The following MYOM2 variants were observed in gnomAD, a reference collection of about 807,000 sequenced individuals.
MYOM2 encodes the protein myomesin 2, also known as myomesin-2.
In MYOM2, 254 loss-of-function variants were observed where a neutral mutation model predicts 187.6. That is an observed-to-expected ratio of 1.35 (90% CI 1.22 to 1.50). The LOEUF (loss-of-function observed/expected upper bound fraction) is 1.50, where lower values mean the gene tolerates loss of function less well. MYOM2 is among the 40% of genes most tolerant of loss of function. The pLI is 0.00. For synonymous variants in MYOM2, 981 were observed against 753.8 expected, an observed-to-expected ratio of 1.30 and a Z score of -4.94; for missense variants, 2,796 against 1,924.0, an observed-to-expected ratio of 1.45 and a Z score of -8.48.
chr8:2,091,016 C>CTT (rs35873643), intron 15 of MYOM2, among the ~76,000 whole-genome samples: 2,732 of 86,468 alleles, frequency 0.032, 110 homozygotes, highest in Middle Eastern at 0.037. Flanking sequence ...AATGATAGTT[C>CTT]TTTTTTTTTT....
chr8:2,062,345 G>A lies in MYOM2; in HGVS notation c.653+3100G>A, dbSNP rs78622743. ...ACAGGCTGCAGGGCCTGGCAGGCCT[G>A]GTGGGAGCCCTTGCTAGAATCCGGG... On this transcript the variant is annotated intron_variant, in intron 6 of 36. Coordinates refer to ENST00000262113, the MANE Select transcript of MYOM2 (RefSeq NM_003970.4). 1.7e-3 allele frequency among the ~76,000 whole-genome samples: 261 copies of A among 152,316 alleles called. 3 individuals are homozygous for A. In the East Asian group the frequency reaches 0.029, roughly 17 times the overall value.
At chr8:2,053,808 G>A (rs1009703870) in intron 3 of MYOM2, among the ~76,000 whole-genome samples, 5 of 152,188 alleles carry the variant, frequency 3.3e-5, no homozygotes, top group Admixed American at 2.0e-4. Flanking sequence ...TGGAGCCCAC[G>A]GCTCATGCTC....
intron 14 of MYOM2, among the ~76,000 whole-genome samples, chr8:2,089,417 C>A (rs564787225): frequency 6.6e-6 from 1 of 152,266 alleles, no homozygotes; most frequent in East Asian, 1.9e-4. Context: ...CTTGTTGTAT[C>A]ATACAATTTG....
chr8:2,094,592 A>T (rs1796418420), intron 17 of MYOM2, among the ~76,000 whole-genome samples: 1 of 152,230 alleles, frequency 6.6e-6, no homozygotes, highest in South Asian at 2.1e-4. Flanking sequence ...CGGAGTTTGC[A>T]GTGAGCCAAG....
intron 32 of MYOM2, among the ~76,000 whole-genome samples, chr8:2,133,108 T>C (rs35454276): frequency 0.13 from 19,645 of 151,744 alleles, 2,175 homozygotes; most frequent in African/African-American, 0.28. Context: ...AAGCACAGGG[T>C]GTTTCCAGTT....
chr8:2,079,680 A>G, intron 13 of MYOM2, 67 bp downstream of exon 13: 1 of 1,509,288 alleles, frequency 6.6e-7, no homozygotes, highest in Non-Finnish European at 9.2e-7. Flanking sequence ...TAGAGATGGG[A>G]GAGATGGACA....
At chr8:2,124,340 C>A (rs1384893604) in intron 31 of MYOM2, 123 bp downstream of exon 31, 1 of 961,212 alleles carries the variant, frequency 1.0e-6, no homozygotes, top group Non-Finnish European at 1.6e-6. Flanking sequence ...TGTGGGAGGC[C>A]CTGGATGGAA....
At chr8:2,138,384 C>T (rs535946397) in intron 32 of MYOM2, among the ~76,000 whole-genome samples, 23 of 152,314 alleles carry the variant, frequency 1.5e-4, no homozygotes, top group African/African-American at 5.3e-4. Context: ...TGGGGCTCTG[C>T]TGCGGGGTCA....
In MYOM2 at chr8:2,144,922, C is replaced by T. The variant is rs376313294; in HGVS notation, c.4339C>T (p.Pro1447Ser). 1.1e-5 allele frequency: 18 copies of T among 1,614,068 alleles called. No individual in the cohort carries two copies. In the African/African-American group the frequency reaches 1.5e-4, roughly 13 times the overall value. Residue 1447 changes from proline (P) to serine (S), a missense_variant, in exon 37 of 37, where the codon CCG (proline) becomes TCG (serine). By Grantham distance (74) the Pro-to-Ser change is moderately conservative (BLOSUM62 -1). Transcript: ENST00000262113. ...KHGEKIPDMA[P>S]PQQAKPKLIP... ...CGGGGAGAAGATCCCGGACATGGCC[C>T]CGCCCCAGCAAGCCAAGCCCAAGCT...
In MYOM2 at chr8:2,102,706, G is replaced by A. The variant is rs1796748785; in HGVS notation, c.2659G>A (p.Val887Ile). Residue 887 changes from valine (V) to isoleucine (I), a missense_variant, in exon 21 of 37, where the codon GTC (valine) becomes ATC (isoleucine). Transcript: ENST00000262113. ...LQQGKTYVFR[V>I]RAVNANGVGK... ...GCAAGGTAAGACCTATGTCTTCAGG[G>A]TCCGGGCAGTCAATGCAAATGGCGT... The A allele has an allele frequency of 1.2e-6, 2 of 1,614,012 alleles. No homozygotes were observed. Among genetic ancestry groups the A allele is most frequent in the Admixed American group, 1.7e-5 (1 of 60,012 alleles).
chr8:2,052,646 C>T (rs1229916204), intron 3 of MYOM2, among the ~76,000 whole-genome samples: 1 of 152,248 alleles, frequency 6.6e-6, no homozygotes, highest in Non-Finnish European at 1.5e-5. Flanking sequence ...GGGTCCGTGG[C>T]TTCCAAGCCA....
chr8:2,130,515 A>G (rs1476246396), intron 32 of MYOM2, among the ~76,000 whole-genome samples: 2 of 152,250 alleles, frequency 1.3e-5, no homozygotes, highest in African/African-American at 2.4e-5. Flanking sequence ...TGACTATTTC[A>G]CTTTTAATAT....
In MYOM2 at chr8:2,106,285, C is replaced by G. The variant is rs755880783; in HGVS notation, c.2778C>G (p.Ile926Met). ...ISAGVDEQGN[I>M]YLGFDCQEMT... Reference sequence around the variant, plus strand: ...CTGGTGTCGATGAACAAGGCAACATCTATCTGGGCTTCGACTGCCAGGAAA... The same window carrying G: ...CTGGTGTCGATGAACAAGGCAACATGTATCTGGGCTTCGACTGCCAGGAAA... The change falls in exon 22 of 37, where the codon ATC (isoleucine) becomes ATG (methionine). Residue 926 changes from isoleucine to methionine, a missense_variant. Physicochemically the swap from Ile to Met is conservative, Grantham distance 10 (BLOSUM62 1). Coordinates refer to ENST00000262113, the MANE Select transcript of MYOM2 (RefSeq NM_003970.4). The G allele has an allele frequency of 8.7e-6, 14 of 1,614,080 alleles. No individual in the cohort carries two copies. Among genetic ancestry groups the G allele is most frequent in the Non-Finnish European group, 2.5e-6 (3 of 1,180,054 alleles).
At chr8:2,067,051 T>A (rs1339758936) in intron 6 of MYOM2, among the ~76,000 whole-genome samples, 1 of 152,188 alleles carries the variant, frequency 6.6e-6, no homozygotes, top group African/African-American at 2.4e-5. Context: ...GATGGTTTTA[T>A]CTGACATATT....
intron 25 of MYOM2, among the ~76,000 whole-genome samples, chr8:2,113,214 C>G (rs924299434): frequency 6.6e-6 from 1 of 152,226 alleles, no homozygotes; most frequent in East Asian, 1.9e-4. Context: ...TGGATTCCCT[C>G]GACGCCATCG....
At chr8:2,124,931 TG>T (rs1297304995) in intron 31 of MYOM2, among the ~76,000 whole-genome samples, 3 of 152,168 alleles carry the variant, frequency 2.0e-5, no homozygotes, top group African/African-American at 7.2e-5. Flanking sequence ...CCATTTTTAA[TG>T]GGTTATTTGT....
intron 13 of MYOM2, among the ~76,000 whole-genome samples, chr8:2,084,443 A>G (rs1819738013): frequency 6.6e-6 from 1 of 152,172 alleles, no homozygotes; most frequent in Non-Finnish European, 1.5e-5. Flanking sequence ...TGTCCCGGGG[A>G]GGTTTCAGAC....
At chr8:2,117,428 T>G (rs368422423) in intron 27 of MYOM2, among the ~76,000 whole-genome samples, 2 of 152,230 alleles carry the variant, frequency 1.3e-5, no homozygotes, top group African/African-American at 4.8e-5. Context: ...AGAAAATGTG[T>G]TTTACAAAAT....
At chr8:2,066,304 C>G (rs1247375293) in intron 6 of MYOM2, among the ~76,000 whole-genome samples, 1 of 152,194 alleles carries the variant, frequency 6.6e-6, no homozygotes, top group Non-Finnish European at 1.5e-5. Context: ...GTTCACAGGA[C>G]AGGCTCCAGG....
Sources: allele counts gnomAD v4.1 joint callset (sites outside exome capture counted in the v4.1 genomes callset), GRCh38; gene constraint gnomAD v4.1.1; transcripts MANE v1.5; gene names NCBI Gene and HGNC (gene_info 2026-07-23, HGNC 2026-07-21).